Variants in P2RY14 observed in about 807,000 individuals in gnomAD.
P2RY14 encodes the protein P2Y purinoceptor 14.
Under a neutral mutation model 0.9 loss-of-function variants are expected in P2RY14, and 2 were observed. The observed-to-expected ratio is 2.16, with a 90% confidence interval of 0.88 to 6.79. P2RY14 has a LOEUF of 6.79. Ranked by LOEUF, P2RY14 falls within the 30% of genes most tolerant of loss-of-function variation. P2RY14 has a pLI of 0.05. For missense variants in P2RY14, 378 were observed against 400.1 expected (o/e 0.94, Z 0.47); for synonymous variants, 158 against 147.2 (o/e 1.07, Z -0.53).
chr3:151,225,513 A>G (rs76340288), intron 1 of P2RY14, among the ~76,000 whole-genome samples: 1,954 of 152,264 alleles, frequency 0.013, 40 homozygotes, highest in African/African-American at 0.045. Context: ...GGCCTTTGCT[A>G]TCATGATCTA....
chr3:151,234,984 C>T (rs1040243397), intron 1 of P2RY14, among the ~76,000 whole-genome samples: 5 of 152,178 alleles, frequency 3.3e-5, no homozygotes, highest in Non-Finnish European at 5.9e-5. Context: ...ACGTCATGGA[C>T]GTGGTTAACT....
At chr3:151,259,938 A>G (rs994981861) in intron 1 of P2RY14, among the ~76,000 whole-genome samples, 1 of 152,182 alleles carries the variant, frequency 6.6e-6, no homozygotes, top group African/African-American at 2.4e-5. Flanking sequence ...TAAGTTTGGA[A>G]ACCAATCCCC....
chr3:151,243,418 TC>T (rs1217967293), intron 1 of P2RY14, among the ~76,000 whole-genome samples: 3 of 35,742 alleles, frequency 8.4e-5, no homozygotes, highest in African/African-American at 8.3e-4. Flanking sequence ...AGCGGATCTC[TC>T]GGCAGAAACC....
chr3:151,268,008 C>T (rs927386309), intron 1 of P2RY14, among the ~76,000 whole-genome samples: 1 of 152,056 alleles, frequency 6.6e-6, no homozygotes, highest in Non-Finnish European at 1.5e-5. Context: ...AATTTTTGCT[C>T]TTTTTAGTCT....
intron 1 of P2RY14, among the ~76,000 whole-genome samples, chr3:151,220,381 C>G (rs1412353913): frequency 6.6e-6 from 1 of 152,028 alleles, no homozygotes; most frequent in Non-Finnish European, 1.5e-5. Context: ...AGTGAGTGCT[C>G]CCTAAACTTT....
intron 2 of P2RY14, among the ~76,000 whole-genome samples, chr3:151,216,244 T>C (rs1471798670): frequency 6.6e-6 from 1 of 152,252 alleles, no homozygotes; most frequent in Admixed American, 6.5e-5. Flanking sequence ...GCATGAATCC[T>C]TGCTCTTAAG....
At chr3:151,264,213 G>C (rs1192617237) in intron 1 of P2RY14, among the ~76,000 whole-genome samples, 2 of 152,136 alleles carry the variant, frequency 1.3e-5, no homozygotes, top group African/African-American at 4.8e-5. Context: ...ATCTTTGAAG[G>C]TTGTGTTTTG....
chr3:151,235,250 A>T (rs1021234513), intron 1 of P2RY14, among the ~76,000 whole-genome samples: 1 of 152,184 alleles, frequency 6.6e-6, no homozygotes, highest in Non-Finnish European at 1.5e-5. Context: ...CAGTCTCATT[A>T]AATTGTGAAA....
chr3:151,236,075 C>G (rs1340536094), intron 1 of P2RY14, among the ~76,000 whole-genome samples: 1 of 152,104 alleles, frequency 6.6e-6, no homozygotes, highest in African/African-American at 2.4e-5. Context: ...ACATACAGCC[C>G]TTCTTAAAGG....
chr3:151,255,007 T>A (rs1305208314), intron 1 of P2RY14, among the ~76,000 whole-genome samples: 2 of 152,214 alleles, frequency 1.3e-5, no homozygotes, highest in Non-Finnish European at 2.9e-5. Flanking sequence ...AGAAACTTTA[T>A]ATTATACTTA....
chr3:151,221,074 A>G (rs1050719980), intron 1 of P2RY14, among the ~76,000 whole-genome samples: 2 of 152,186 alleles, frequency 1.3e-5, no homozygotes, highest in Non-Finnish European at 2.9e-5. Flanking sequence ...AAATGGAGCA[A>G]AAGTGATTCT....
intron 1 of P2RY14, among the ~76,000 whole-genome samples, chr3:151,248,002 G>T: frequency 8.7e-6 from 1 of 115,476 alleles, no homozygotes; most frequent in South Asian, 2.7e-4. Flanking sequence ...GAAATAATCT[G>T]GAGTAGATTC....
At chr3:151,242,296 T>A (rs999539354) in intron 1 of P2RY14, among the ~76,000 whole-genome samples, 4 of 152,208 alleles carry the variant, frequency 2.6e-5, no homozygotes, top group South Asian at 2.1e-4. Context: ...CCTGCCTGCC[T>A]CTCTAGGCTC....
chr3:151,265,849 A>G (rs2149521272), intron 1 of P2RY14, among the ~76,000 whole-genome samples: 1 of 152,278 alleles, frequency 6.6e-6, no homozygotes, highest in African/African-American at 2.4e-5. Context: ...ATGAAATTGG[A>G]AGGGTCTCTT....
intron 1 of P2RY14, among the ~76,000 whole-genome samples, chr3:151,242,078 C>T (rs555894446): frequency 4.6e-5 from 7 of 152,166 alleles, no homozygotes; most frequent in South Asian, 4.2e-4. Flanking sequence ...GCTTAAAAAA[C>T]GGGGCACCAC....
At chr3:151,273,099 A>G (rs901095743) in intron 1 of P2RY14, among the ~76,000 whole-genome samples, 4 of 152,144 alleles carry the variant, frequency 2.6e-5, no homozygotes, top group African/African-American at 9.7e-5. Flanking sequence ...CCAAAGCAGT[A>G]TGATCAAGGA....
intron 1 of P2RY14, among the ~76,000 whole-genome samples, chr3:151,225,104 G>C (rs1306503278): frequency 6.6e-6 from 1 of 152,034 alleles, no homozygotes; most frequent in Non-Finnish European, 1.5e-5. Flanking sequence ...CTGCCTATTG[G>C]GCTTGCCTTT....
intron 1 of P2RY14, among the ~76,000 whole-genome samples, chr3:151,250,059 A>G (rs1295327851): frequency 2.6e-5 from 4 of 152,130 alleles, no homozygotes; most frequent in African/African-American, 7.2e-5. Context: ...TTTATTAGCA[A>G]TCATCCAGTC....
chr3:151,221,627 T>G (rs1390966940), intron 1 of P2RY14, among the ~76,000 whole-genome samples: 2 of 152,206 alleles, frequency 1.3e-5, no homozygotes, highest in Non-Finnish European at 2.9e-5. Context: ...CTTGGCAGCT[T>G]CCACCTGGTG....
Sources: allele counts gnomAD v4.1 joint callset (sites outside exome capture counted in the v4.1 genomes callset), GRCh38; gene constraint gnomAD v4.1.1; transcripts MANE v1.5; gene names NCBI Gene and HGNC (gene_info 2026-07-23, HGNC 2026-07-21).